Variants in UNC93A observed in about 807,000 individuals in gnomAD.
UNC93A encodes the protein unc-93 homolog A.
A neutral mutation model predicts 47.5 loss-of-function variants in UNC93A; 43 were observed. That is an observed-to-expected ratio of 0.91 (90% CI 0.71 to 1.17). The LOEUF (loss-of-function observed/expected upper bound fraction) is 1.17. Among genes scored for constraint, UNC93A ranks in the 50% most tolerant of loss-of-function variants. The pLI, the probability that UNC93A is intolerant of heterozygous loss-of-function variation, is 0.00. For synonymous variants in UNC93A, 280 were observed against 258.0 expected, an observed-to-expected ratio of 1.09 and a Z score of -0.82; for missense variants, 605 against 577.6, an observed-to-expected ratio of 1.05 and a Z score of -0.49.
chr6:167,275,944 C>T (rs1230110617), intron 1 of UNC93A, among the ~76,000 whole-genome samples: 1 of 152,158 alleles, frequency 6.6e-6, no homozygotes, highest in Non-Finnish European at 1.5e-5. Context: ...TCCCGCCTAG[C>T]TGTGATTTTG....
At chr6:167,301,186 C>A (rs1778231152) in intron 4 of UNC93A, among the ~76,000 whole-genome samples, 1 of 152,262 alleles carries the variant, frequency 6.6e-6, no homozygotes, top group South Asian at 2.1e-4. Context: ...AGCTGTCCTC[C>A]GCAGGTGGCT....
At chr6:167,290,169 G>T (rs2115106043), upstream of UNC93A, among the ~76,000 whole-genome samples, 1 of 152,330 alleles carries the variant, frequency 6.6e-6, no homozygotes, top group Middle Eastern at 3.4e-3. Flanking sequence ...GTGAACCCGT[G>T]GAGCTCATCT....
chr6:167,303,838 T>C, intron 4 of UNC93A, 81 bp from the exon 5 acceptor site: 1 of 1,380,100 alleles, frequency 7.2e-7, no homozygotes. Context: ...GAGAGGAGGA[T>C]GAGTGACTGA....
chr6:167,306,296 G>T (rs1356547466), intron 6 of UNC93A, among the ~76,000 whole-genome samples: 3 of 152,210 alleles, frequency 2.0e-5, no homozygotes. Context: ...GCAAGTGCCT[G>T]CTCCGAGTGG....
intron 5 of UNC93A, among the ~76,000 whole-genome samples, chr6:167,304,564 T>TC (rs1441036411): frequency 2.6e-5 from 4 of 151,450 alleles, no homozygotes; most frequent in African/African-American, 4.9e-5. Flanking sequence ...TAGTTTTTTT[T>TC]TTTCTTTCTT....
At chr6:167,295,903 C>T (rs1487874815) in intron 2 of UNC93A, 129 bp from the exon 3 acceptor site, 3 of 768,966 alleles carry the variant, frequency 3.9e-6, no homozygotes, top group Non-Finnish European at 6.4e-6. Context: ...ACCAGCAACA[C>T]TCATCACCAC....
chr6:167,273,729 A>G (rs964669471), intron 1 of UNC93A, among the ~76,000 whole-genome samples: 1 of 152,104 alleles, frequency 6.6e-6, no homozygotes, highest in African/African-American at 2.4e-5. Flanking sequence ...TTCAGACGGG[A>G]AAGGTGGCAC....
chr6:167,269,770 C>CT (rs200873286), upstream of UNC93A, among the ~76,000 whole-genome samples: 656 of 140,406 alleles, frequency 4.7e-3, 5 homozygotes, highest in African/African-American at 0.017. Context: ...CCACGCCTGG[C>CT]TTTTTTTTGT....
intron 1 of UNC93A, among the ~76,000 whole-genome samples, chr6:167,275,645 C>T (rs1783526999): frequency 6.6e-6 from 1 of 152,252 alleles, no homozygotes; most frequent in African/African-American, 2.4e-5. Context: ...CTGCATGAGG[C>T]ACATGTCCCA....
chr6:167,307,518 A>G (rs888964288), intron 6 of UNC93A, among the ~76,000 whole-genome samples: 2 of 85,434 alleles, frequency 2.3e-5, no homozygotes, highest in Non-Finnish European at 4.4e-5. Flanking sequence ...ACGGTTCCAG[A>G]GGACAATTCC....
At chr6:167,299,323 T>C (rs2346123) in intron 4 of UNC93A, among the ~76,000 whole-genome samples, 33,116 of 151,752 alleles carry the variant, frequency 0.22, 3,824 homozygotes, top group African/African-American at 0.29. Context: ...TACCAACTCC[T>C]GCACTCTGCC....
chr6:167,303,529 T>G (rs1476863840), intron 4 of UNC93A, among the ~76,000 whole-genome samples: 1 of 151,224 alleles, frequency 6.6e-6, no homozygotes, highest in Non-Finnish European at 1.5e-5. Flanking sequence ...GGAATCATTA[T>G]CCTAAAAAAA....
At chr6:167,279,559 A>G (rs73259175) in intron 1 of UNC93A, among the ~76,000 whole-genome samples, 2,914 of 152,312 alleles carry the variant, frequency 0.019, 104 homozygotes, top group African/African-American at 0.067. Context: ...AGTAAAGAAC[A>G]TGCTGTACTG....
intron 7 of UNC93A, among the ~76,000 whole-genome samples, chr6:167,312,223 C>T (rs1169924809): frequency 5.3e-5 from 8 of 150,948 alleles, no homozygotes; most frequent in South Asian, 2.1e-4. Flanking sequence ...TTTCTTGTCC[C>T]GTCATATGGG....
At chr6:167,303,866 C>T (rs1778307603) in intron 4 of UNC93A, 53 bp from the exon 5 acceptor site, 2 of 1,581,616 alleles carry the variant, frequency 1.3e-6, no homozygotes, top group African/African-American at 2.7e-5. Flanking sequence ...CCTTGCCAGG[C>T]ACCCTGCCTC....
chr6:167,283,364 C>T (rs964270256), intron 1 of UNC93A, among the ~76,000 whole-genome samples: 1 of 152,078 alleles, frequency 6.6e-6, no homozygotes, highest in Non-Finnish European at 1.5e-5. Flanking sequence ...GCCAGTTGTT[C>T]CTGAATTCCA....
rs1297802050 is a variant in UNC93A, at chr6:167,296,028, A to G, written c.270-4A>G. 6.2e-7 allele frequency: 1 copy of G among 1,613,580 alleles called. No homozygotes were observed. Among genetic ancestry groups the G allele is most frequent in the Admixed American group, 1.7e-5 (1 of 60,008 alleles). On this transcript the variant is annotated splice_region_variant and splice_polypyrimidine_tract_variant and intron_variant, in intron 2 of 7. Transcript: ENST00000230256. The stretch of plus-strand genomic sequence containing the variant: ...CAGGCTATGGGTCTGCATTTTACCC[A>G]CAGGTACACTTTGATCCCCACCTCC...
At chr6:167,299,994 C>T (rs539932332) in intron 4 of UNC93A, among the ~76,000 whole-genome samples, 21 of 152,148 alleles carry the variant, frequency 1.4e-4, no homozygotes, top group East Asian at 1.4e-3. Flanking sequence ...GGAGCAGGTA[C>T]GGGGAGGCAG....
chr6:167,307,532 GGATGGTTGAGACAGTTGA>G (rs1162270870), intron 6 of UNC93A, among the ~76,000 whole-genome samples: 4 of 152,078 alleles, frequency 2.6e-5, no homozygotes, highest in Admixed American at 2.0e-4. Context: ...CAATTCCAGA[GGATGGTTGAGACAGTTGA>G]GATGGTTGAG....
Sources: allele counts gnomAD v4.1 joint callset (sites outside exome capture counted in the v4.1 genomes callset), GRCh38; gene constraint gnomAD v4.1.1; transcripts MANE v1.5; gene names NCBI Gene and HGNC (gene_info 2026-07-23, HGNC 2026-07-21).